The following GARIN5B variants were observed in gnomAD, a reference collection of about 807,000 sequenced individuals.
GARIN5B encodes the protein Golgi-associated RAB2 interactor protein 5B.
the GARIN5B span, chr19:55,358,207 C>T: frequency 6.5e-7 from 1 of 1,546,114 alleles, no homozygotes; most frequent in Non-Finnish European, 8.7e-7. Context: ...TGGCCGTGTT[C>T]CTCACAGTTT....
At chr19:55,358,493 C>A in the GARIN5B span, 2 of 1,536,848 alleles carry the variant, frequency 1.3e-6, no homozygotes, top group Non-Finnish European at 1.8e-6. Context: ...CTTGGGTGGC[C>A]CCTTGGGGTC....
the GARIN5B span, chr19:55,362,484 C>A: frequency 6.5e-7 from 1 of 1,527,336 alleles, no homozygotes. Context: ...CAGAGGTGGA[C>A]GAGGTCCAGG....
At chr19:55,359,665 C>T in the GARIN5B span, 1 of 1,551,604 alleles carries the variant, frequency 6.4e-7, no homozygotes, top group Non-Finnish European at 8.7e-7. Flanking sequence ...CAGATGGGGC[C>T]TTCTGGCAGG....
the GARIN5B span, among the ~76,000 whole-genome samples, chr19:55,355,669 T>C: frequency 0.96 from 146,726 of 152,232 alleles, 70,827 homozygotes; most frequent in Non-Finnish European, 0.99. Flanking sequence ...CAGGATTGTT[T>C]ACACTGACAG....
At chr19:55,362,033 G>T in the GARIN5B span, among the ~76,000 whole-genome samples, 4 of 144,606 alleles carry the variant, frequency 2.8e-5, no homozygotes, top group African/African-American at 1.0e-4. Context: ...AGGGGTCCAG[G>T]CCCCCAGCTC....
chr19:55,363,213 A>G, the GARIN5B span: 1 of 826,894 alleles, frequency 1.2e-6, no homozygotes, highest in Non-Finnish European at 1.7e-6. This position sits in a 1 kb window ranked among gnomAD's most constrained non-coding sequence, Gnocchi z 4.0. Context: ...CCAGGCTGGG[A>G]GACTCGGGCC....
chr19:55,360,692 C>T, the GARIN5B span: 3 of 1,551,324 alleles, frequency 1.9e-6, no homozygotes, highest in Non-Finnish European at 2.6e-6. Flanking sequence ...ATAAGGCTGG[C>T]CTTTGGAGAG....
At chr19:55,358,432 G>A in the GARIN5B span, 10 of 1,512,124 alleles carry the variant, frequency 6.6e-6, no homozygotes, top group Non-Finnish European at 8.9e-6. Context: ...GCGCCTGGGA[G>A]ATTCCTTCCC....
At chr19:55,361,616 C>G in the GARIN5B span, among the ~76,000 whole-genome samples, 73 of 124,932 alleles carry the variant, frequency 5.8e-4, no homozygotes, top group South Asian at 2.3e-3. Context: ...GCCCCCAGTC[C>G]CTCCTCCCTC....
chr19:55,358,416 G>A, the GARIN5B span: 1 of 1,507,848 alleles, frequency 6.6e-7, no homozygotes, highest in Non-Finnish European at 8.9e-7. Context: ...GCGGTCAGGG[G>A]GATAGGCGCC....
chr19:55,361,389 C>T, the GARIN5B span: 6 of 1,533,468 alleles, frequency 3.9e-6, no homozygotes, highest in Non-Finnish European at 5.3e-6. Context: ...GAGGTCCTGA[C>T]AAACAGCAGG....
At chr19:55,355,704 G>A in the GARIN5B span, among the ~76,000 whole-genome samples, 1 of 152,160 alleles carries the variant, frequency 6.6e-6, no homozygotes, top group Admixed American at 6.5e-5. Flanking sequence ...TAAGAATCCC[G>A]GCCAGGTGCG....
chr19:55,356,267 G>A, the GARIN5B span, among the ~76,000 whole-genome samples: 1 of 152,076 alleles, frequency 6.6e-6, no homozygotes, highest in Non-Finnish European at 1.5e-5. Flanking sequence ...CTGCAGTGCA[G>A]TGGCACGATG....
chr19:55,359,885 A>C, the GARIN5B span: 1 of 1,551,504 alleles, frequency 6.4e-7, no homozygotes, highest in Non-Finnish European at 8.7e-7. Context: ...GGAGCCCAGA[A>C]AGAAGCCATC....
At chr19:55,361,163 C>G in the GARIN5B span, 702,534 of 1,550,926 alleles carry the variant, frequency 0.45, 166,018 homozygotes, top group East Asian at 0.74. Flanking sequence ...CACACCACCC[C>G]GCCGGCTCAC....
At chr19:55,361,677 AG>A in the GARIN5B span, among the ~76,000 whole-genome samples, 1 of 25,614 alleles carries the variant, frequency 3.9e-5, no homozygotes, top group Non-Finnish European at 1.1e-4. Flanking sequence ...TCAGGGGTCC[AG>A]GCCTCAGTTC....
At chr19:55,358,544 ATCTCGCCCCATGGC>A in the GARIN5B span, 5 of 385,852 alleles carry the variant, frequency 1.3e-5, no homozygotes, top group Non-Finnish European at 1.6e-5. Context: ...CTGCTCCTTC[ATCTCGCCCCATGGC>A]CGCTTGCCCT....
At chr19:55,358,299 G>A in the GARIN5B span, 2 of 1,549,202 alleles carry the variant, frequency 1.3e-6, no homozygotes, top group Non-Finnish European at 1.7e-6. Flanking sequence ...ATCCTCATGG[G>A]CTCCTGCGAC....
the GARIN5B span, among the ~76,000 whole-genome samples, chr19:55,361,636 A>G: frequency 3.2e-5 from 2 of 63,486 alleles, no homozygotes; most frequent in African/African-American, 3.7e-5. Context: ...CAGACCCAGG[A>G]GTCCAGGGCC....
Sources: gnomAD v4.1 joint callset for allele counts (sites outside exome capture counted in the v4.1 genomes callset) on GRCh38, gnomAD v4.1.1 for gene constraint, Gnocchi (gnomAD v3.1) non-coding constraint, MANE v1.5 for transcripts, NCBI Gene and HGNC (gene_info 2026-07-23, HGNC 2026-07-21) for gene names.